The following MRTFB variants were observed in gnomAD, a reference collection of about 807,000 sequenced individuals.
MRTFB encodes myocardin-related transcription factor B.
Under a neutral mutation model 104.2 loss-of-function variants are expected in MRTFB, and 29 were observed. That is an observed-to-expected ratio of 0.28 (90% confidence interval 0.21 to 0.38). MRTFB has a LOEUF of 0.38. Ranked by LOEUF, MRTFB falls within the 10% of genes least tolerant of loss-of-function variation. The pLI, the probability that MRTFB is intolerant of heterozygous loss-of-function variation, is 1.00. For synonymous variants in MRTFB, 535 were observed against 519.5 expected (o/e 1.03, Z -0.41); for missense variants, 1,270 against 1,341.6 (o/e 0.95, Z 0.83).
At chr16:14,017,056 C>CTTTTTTT in the MRTFB span, among the ~76,000 whole-genome samples, 4 of 125,444 alleles carry the variant, frequency 3.2e-5, no homozygotes, top group Admixed American at 8.7e-5. Flanking sequence ...CAGTCTTCTT[C>CTTTTTTT]TTTTTTTTTT....
intron 3 of MRTFB, chr16:14,152,932 G>A (rs2038685750): frequency 6.6e-6 from 1 of 152,180 alleles, no homozygotes; most frequent in South Asian, 2.1e-4. Flanking sequence ...TTGTAGGAAT[G>A]TAATATATTT....
rs772100405 is a variant in MRTFB at position 14,218,916 on chromosome 16, AGTCACAGGG to A, written c.616_624del (p.Gln206_Ser208del). 5.6e-6 allele frequency: 9 copies of A among 1,614,006 alleles called. No homozygotes were observed. The highest frequency in any genetic ancestry group is 1.3e-5 in the African/African-American group (1 of 74,916). On this transcript the variant is annotated inframe_deletion, in exon 8 of 17. Transcript: ENST00000571589. ...TCTCCGGACCAGCCTGCGAGTCAGG[AGTCACAGGG>A]GTCAGCCGCGTCCCCAAGTGAGCCA...
At chr16:14,053,013 A>C in the MRTFB span, among the ~76,000 whole-genome samples, 1 of 152,146 alleles carries the variant, frequency 6.6e-6, no homozygotes, top group Non-Finnish European at 1.5e-5. Context: ...AATGGCCTCA[A>C]GTTCCATCCA....
intron 13 of MRTFB, among the ~76,000 whole-genome samples, chr16:14,251,326 G>A (rs1258535606): frequency 5.0e-5 from 7 of 140,644 alleles, no homozygotes; most frequent in African/African-American, 8.1e-5. Context: ...GCAGTGAGCC[G>A]AGATCGCACC....
chr16:14,036,158 A>T, the MRTFB span, among the ~76,000 whole-genome samples: 2 of 121,294 alleles, frequency 1.6e-5, no homozygotes, highest in Non-Finnish European at 3.3e-5. Flanking sequence ...AATATATATT[A>T]TATAAAATAT....
At chr16:14,008,973 G>GTC in the MRTFB span, among the ~76,000 whole-genome samples, 2 of 53,924 alleles carry the variant, frequency 3.7e-5, no homozygotes, top group South Asian at 5.2e-4. Context: ...TAGAGACAGG[G>GTC]TCTCTCTCTC....
intron 2 of MRTFB, among the ~76,000 whole-genome samples, chr16:14,090,879 G>GGTGTGTGTGT (rs55685117): frequency 0.014 from 2,055 of 141,762 alleles, 37 homozygotes; most frequent in East Asian, 0.045. Flanking sequence ...AGTTCAGCAT[G>GGTGTGTGTGT]GTGTGTGTGT....
At chr16:14,056,393 G>A in the MRTFB span, among the ~76,000 whole-genome samples, 3 of 151,698 alleles carry the variant, frequency 2.0e-5, no homozygotes, top group Non-Finnish European at 4.4e-5. Flanking sequence ...GGACTCATGG[G>A]TATTTATTCT....
At chr16:14,028,792 G>A in the MRTFB span, among the ~76,000 whole-genome samples, 100 of 152,174 alleles carry the variant, frequency 6.6e-4, no homozygotes, top group African/African-American at 2.3e-3. Flanking sequence ...CTAGACTCGT[G>A]TGCAGAAACT....
intron 10 of MRTFB, among the ~76,000 whole-genome samples, chr16:14,242,671 GT>G (rs1324109559): frequency 6.6e-6 from 1 of 152,114 alleles, no homozygotes; most frequent in Non-Finnish European, 1.5e-5. Flanking sequence ...GTCACTGGAG[GT>G]CCCCGAAGGC....
intron 10 of MRTFB, among the ~76,000 whole-genome samples, chr16:14,244,752 T>C (rs2042941821): frequency 6.6e-6 from 1 of 151,736 alleles, no homozygotes; most frequent in East Asian, 1.9e-4. Context: ...GTTTTCTGTC[T>C]CTTTCTTACT....
At chr16:14,036,674 T>A in the MRTFB span, among the ~76,000 whole-genome samples, 1 of 150,758 alleles carries the variant, frequency 6.6e-6, no homozygotes, top group East Asian at 1.9e-4. Context: ...ATCATATATA[T>A]AGAAATATAT....
the MRTFB span, among the ~76,000 whole-genome samples, chr16:14,035,969 C>A: frequency 1.3e-5 from 2 of 151,132 alleles, no homozygotes; most frequent in Admixed American, 1.3e-4. Flanking sequence ...TGAGTGAGAA[C>A]ATGCAATGTT....
intron 2 of MRTFB, among the ~76,000 whole-genome samples, chr16:14,099,694 G>A (rs1167167795): frequency 1.4e-5 from 2 of 140,888 alleles, no homozygotes; most frequent in Non-Finnish European, 3.1e-5. Context: ...TTGAGACAGA[G>A]TCTCACTGTG....
intron 8 of MRTFB, among the ~76,000 whole-genome samples, 191 bp downstream of exon 8, chr16:14,219,189 A>T (rs976603325): frequency 1.3e-5 from 2 of 152,212 alleles, no homozygotes; most frequent in African/African-American, 4.8e-5. Context: ...CTTCATCACA[A>T]GTAGGTAATA....
chr16:14,152,303 A>G (rs560434719), intron 3 of MRTFB: 3 of 152,108 alleles, frequency 2.0e-5, no homozygotes, highest in African/African-American at 7.2e-5. Context: ...AAGTATGTTA[A>G]AAACATGTTT....
upstream of MRTFB, among the ~76,000 whole-genome samples, chr16:14,068,486 A>C (rs1453850878): frequency 6.6e-6 from 1 of 152,178 alleles, no homozygotes; most frequent in Non-Finnish European, 1.5e-5. Context: ...TGGTCACGAA[A>C]GGCAAAGTTT....
chr16:14,034,968 AC>A, the MRTFB span, among the ~76,000 whole-genome samples: 6 of 151,950 alleles, frequency 3.9e-5, no homozygotes, highest in Non-Finnish European at 7.4e-5. Context: ...TGCTGAGCCA[AC>A]CCTGCCTTTG....
chr16:14,025,142 C>T, the MRTFB span, among the ~76,000 whole-genome samples: 1 of 152,156 alleles, frequency 6.6e-6, no homozygotes, highest in Non-Finnish European at 1.5e-5. Context: ...TCAAGATAGA[C>T]ATGGGGCAGT....
Sources: gnomAD v4.1 joint callset for allele counts (sites outside exome capture counted in the v4.1 genomes callset) on GRCh38, gnomAD v4.1.1 for gene constraint, MANE v1.5 for transcripts, NCBI Gene and HGNC (gene_info 2026-07-23, HGNC 2026-07-21) for gene names.